TAGAP: variants seen among roughly 807,000 people sequenced by gnomAD.
TAGAP encodes T cell activation RhoGTPase activating protein.
A neutral mutation model predicts 36.0 loss-of-function variants in TAGAP; 16 were observed. The observed-to-expected ratio is 0.44, with a 90% CI of 0.30 to 0.68. The LOEUF (loss-of-function observed/expected upper bound fraction) is 0.68. TAGAP is among the 30% of genes least tolerant of loss of function. The probability of loss-of-function intolerance (pLI) is 0.09; values close to 1 mark genes in which losing one functional copy is unlikely to be tolerated. For missense variants in TAGAP, 794 were observed against 921.5 expected (o/e 0.86, Z 1.79); for synonymous variants, 372 against 377.4 (o/e 0.99, Z 0.17).
Position 159,036,470 on chromosome 6 carries a change from T to G in TAGAP, c.1553A>C (p.Lys518Thr), listed in dbSNP as rs144641395. ...CGCGCTGAGGTTTTTGGTCAGCACT[T>G]TTTTGTGAGGGGCAAAGGTGAAAGA... ...SMSFTFAPHK[K>T]VLTKNLSAGS... Residue 518 changes from lysine (K) to threonine (T), a missense_variant, in exon 10 of 10, where the codon AAA becomes ACA. Transcript: ENST00000367066. The surrounding 1 kb of genome is among the most constrained non-coding windows in gnomAD (Gnocchi z 4.9). The G allele has an allele frequency of 2.0e-4, 321 of 1,614,116 alleles. 1 individual carries two copies. In the African/African-American group the frequency reaches 4.1e-3, roughly 21 times the overall value.
intron 7 of TAGAP, among the ~76,000 whole-genome samples, chr6:159,039,895 G>A (rs1236812558): frequency 6.6e-6 from 1 of 152,094 alleles, no homozygotes; most frequent in Non-Finnish European, 1.5e-5. Flanking sequence ...TTTCAAAAAC[G>A]AAATGGTGAT....
chr6:159,041,635 T>C lies in TAGAP; in HGVS notation c.316-120A>G. 2.7e-6 allele frequency: 3 copies of C among 1,124,316 alleles called. No individual in the cohort carries two copies. Among genetic ancestry groups the C allele is most frequent in the East Asian group, 5.4e-5 (2 of 37,362 alleles). 69.6% of individuals were successfully genotyped at this position (1,124,316 alleles called of 1,614,324 possible). On this transcript the variant is annotated intron_variant, in intron 5 of 9. Coordinates refer to ENST00000367066, the MANE Select transcript of TAGAP (RefSeq NM_054114.5). This position sits in a 1 kb window ranked among gnomAD's most constrained non-coding sequence, Gnocchi z 4.1. ...TTCAGTCCAGTTGCTGTCAATGGCC[T>C]TCCTCAACCCTGCTATTTTTCTAAG...
rs139271345 is a variant in TAGAP at position 159,041,477 on chromosome 6, C to T, written c.354G>A (p.Thr118=). The change falls in exon 6 of 10, where the codon ACG becomes ACA. Residue 118 remains threonine (T), a synonymous_variant. Transcript: ENST00000367066. This position sits in a 1 kb window ranked among gnomAD's most constrained non-coding sequence, Gnocchi z 4.1. The part of the protein sequence containing the change: ...LTILCLKGPS[T]EGIFRRAANE... ...TGGCTGCTCTCCTGAATATCCCTTC[C>T]GTTGAAGGGCCTTTAAGGCATAGAA... 6.6e-5 allele frequency: 107 copies of T among 1,614,030 alleles called. No homozygotes were observed. The highest frequency in any genetic ancestry group is 2.2e-4 in the East Asian group (10 of 44,898).
chr6:159,036,150 C>T lies in TAGAP; in HGVS notation c.1873G>A (p.Ala625Thr), dbSNP rs1223205376. The T allele has an allele frequency of 6.2e-7, 1 of 1,613,172 alleles. No homozygotes were observed. The highest frequency in any genetic ancestry group is 8.5e-7 in the Non-Finnish European group (1 of 1,179,670). The change falls in exon 10 of 10, where the codon GCG becomes ACG. Residue 625 changes from alanine to threonine, a missense_variant. Ala to Thr is a moderately conservative substitution (Grantham distance 58). Transcript: ENST00000367066. This position sits in a 1 kb window ranked among gnomAD's most constrained non-coding sequence, Gnocchi z 4.9. ...VGSMTVGSMR[A>T]RMLEAHCLLP... ...AGGCAGTGCGCCTCCAGCATCCTCG[C>T]CCTCATGCTCCCCACCGTCATGCTC...
chr6:159,041,666 G>T lies in TAGAP; in HGVS notation c.316-151C>A, dbSNP rs1214128698. 1.0e-5 allele frequency: 9 copies of T among 881,086 alleles called. No individual in the cohort carries two copies. Among genetic ancestry groups the T allele is most frequent in the African/African-American group, 1.7e-5 (1 of 58,496 alleles). The allele number at this position is 881,086 out of a possible 1,614,324, so 54.6% of individuals were successfully genotyped here. ...AACCCTGCTATTTTTCTAAGAGGAG[G>T]CAAATTGTGAAAGCTCTAATTTTGC... On this transcript the variant is annotated intron_variant, in intron 5 of 9. Transcript: ENST00000367066. The surrounding 1 kb of genome is among the most constrained non-coding windows in gnomAD (Gnocchi z 4.1).
chr6:159,040,538 A>G (rs1779709649), intron 7 of TAGAP, among the ~76,000 whole-genome samples, 185 bp downstream of exon 7: 2 of 152,216 alleles, frequency 1.3e-5, no homozygotes, highest in South Asian at 4.1e-4. Context: ...GGCTAAAATT[A>G]AAATTCAAAA....
At chr6:159,038,073 T>G in intron 9 of TAGAP, 41 bp downstream of exon 9, 1 of 1,375,438 alleles carries the variant, frequency 7.3e-7, no homozygotes, top group Non-Finnish European at 1.0e-6. Context: ...TGGCATGAAC[T>G]TTTCCCTACA....
At position 159,041,325 on chromosome 6, in the gene TAGAP, G is replaced by T; in HGVS notation, c.477+29C>A. ...TGAGTGTGTCAGGGCCCCTTGGCAG[G>T]TTATTTGGCGCAAGTGTGTTGAACT... On this transcript the variant is annotated intron_variant, in intron 6 of 9. Transcript: ENST00000367066. This position sits in a 1 kb window ranked among gnomAD's most constrained non-coding sequence, Gnocchi z 4.1. 1 of 1,608,976 alleles carries T rather than the reference G, an allele frequency of 6.2e-7. No individual in the cohort carries two copies.
chr6:159,035,622 C>T lies in TAGAP; in HGVS notation c.*205G>A. 2 of 531,638 alleles carry T rather than the reference C, an allele frequency of 3.8e-6. No individual in the cohort carries two copies. Among genetic ancestry groups the T allele is most frequent in the Non-Finnish European group, 6.7e-6 (2 of 300,464 alleles). 32.9% of individuals were successfully genotyped at this position (531,638 alleles called of 1,614,324 possible). On this transcript the variant is annotated 3_prime_UTR_variant, in exon 10 of 10. Transcript: ENST00000367066. ...CACCTTATCTATAATACATTTGATACATTTTTACATATTGCACAAATCCAG... is the reference window on the plus strand; with the variant it reads ...CACCTTATCTATAATACATTTGATATATTTTTACATATTGCACAAATCCAG...
intron 4 of TAGAP, 127 bp downstream of exon 4, chr6:159,043,462 C>T (rs1390552084): frequency 8.6e-6 from 7 of 814,476 alleles, no homozygotes; most frequent in Non-Finnish European, 1.5e-5. Context: ...GGTTAATGTT[C>T]TGCGGTCTTT....
At position 159,041,124 on chromosome 6, in the gene TAGAP, G is replaced by C; in HGVS notation, c.477+230C>G. ...CTGCCACGGAACAATCAAATTGCCCGTACTTGGCAAAGTTTTGGGAGAGCA... is the reference window on the plus strand; with the variant it reads ...CTGCCACGGAACAATCAAATTGCCCCTACTTGGCAAAGTTTTGGGAGAGCA... On this transcript the variant is annotated intron_variant, in intron 6 of 9. Coordinates refer to ENST00000367066, the MANE Select transcript of TAGAP (RefSeq NM_054114.5). The surrounding 1 kb of genome is among the most constrained non-coding windows in gnomAD (Gnocchi z 4.1). 1.6e-6 allele frequency: 1 copy of C among 629,476 alleles called. No individual in the cohort carries two copies. Among genetic ancestry groups the C allele is most frequent in the Non-Finnish European group, 2.7e-6 (1 of 372,288 alleles). 39.0% of individuals were successfully genotyped at this position (629,476 alleles called of 1,614,324 possible).
chr6:159,040,920 G>T, intron 6 of TAGAP, 88 bp from the exon 7 acceptor site: 2 of 975,184 alleles, frequency 2.1e-6, no homozygotes, highest in South Asian at 2.8e-5. Context: ...CCATCGCAGG[G>T]TGCTCTATGC....
chr6:159,044,774 G>A (rs1431542831), intron 1 of TAGAP, 105 bp downstream of exon 1: 3 of 394,902 alleles, frequency 7.6e-6, no homozygotes, highest in Non-Finnish European at 1.3e-5. Context: ...TAAAGTGAGA[G>A]CATATTCCAC....
Position 159,036,789 on chromosome 6 carries a change from G to A in TAGAP, c.1234C>T (p.Arg412Cys). 1.2e-6 allele frequency: 2 copies of A among 1,614,182 alleles called. No individual in the cohort carries two copies. Among genetic ancestry groups the A allele is most frequent in the Non-Finnish European group, 1.7e-6 (2 of 1,180,022 alleles). ...TCTTCAGCCTCCTCACTTTCCAAAC[G>A]AGAGCCTACCCGGGGCACGGGGAAG... ...GDFPVPRVGS[R>C]LESEEAEDPF... The change falls in exon 10 of 10, where the codon CGT becomes TGT. Residue 412 changes from arginine to cysteine, a missense_variant. Transcript: ENST00000367066. The surrounding 1 kb of genome is among the most constrained non-coding windows in gnomAD (Gnocchi z 4.9).
rs1232564901 is a variant in TAGAP, at chr6:159,034,653, A to G, written c.*1174T>C. On this transcript the variant is annotated 3_prime_UTR_variant, in exon 10 of 10. Coordinates refer to ENST00000367066, the MANE Select transcript of TAGAP (RefSeq NM_054114.5). ...ATTAAGCAAACTGAGCATCATAAGA[A>G]TGAGGTGAGATGTAAAATTACTGGA... 6.6e-6 allele frequency: 1 copy of G among 152,236 alleles called. No homozygotes were observed. Among genetic ancestry groups the G allele is most frequent in the African/African-American group, 2.4e-5 (1 of 41,462 alleles). 9.4% of individuals were successfully genotyped at this position (152,236 alleles called of 1,614,324 possible). A position where few individuals can be genotyped will look rare whatever the true frequency, so the allele number is the denominator to read the frequency against.
rs904052325 is a variant in TAGAP at position 159,034,665 on chromosome 6, G to A, written c.*1162C>T. 6 of 152,142 alleles carry A rather than the reference G, an allele frequency of 3.9e-5. No homozygotes were observed. Among genetic ancestry groups the A allele is most frequent in the Non-Finnish European group, 7.3e-5 (5 of 68,030 alleles). The allele number at this position is 152,142 out of a possible 1,614,324, so 9.4% of individuals were successfully genotyped here. ...GAGCATCATAAGAATGAGGTGAGATGTAAAATTACTGGAAAGTTTAATTCA... is the reference window on the plus strand; with the variant it reads ...GAGCATCATAAGAATGAGGTGAGATATAAAATTACTGGAAAGTTTAATTCA... On this transcript the variant is annotated 3_prime_UTR_variant, in exon 10 of 10. Coordinates refer to ENST00000367066, the MANE Select transcript of TAGAP (RefSeq NM_054114.5).
At chr6:159,040,865 G>T in intron 6 of TAGAP, 33 bp from the exon 7 acceptor site, 1 of 1,536,078 alleles carries the variant, frequency 6.5e-7, no homozygotes, top group Non-Finnish European at 9.0e-7. Context: ...TGGCCTATTG[G>T]TACTGTATGA....
intron 2 of TAGAP, 25 bp from the exon 3 acceptor site, chr6:159,044,056 G>T: frequency 1.9e-6 from 3 of 1,613,504 alleles, no homozygotes. Flanking sequence ...ATAAAATTAG[G>T]TAAATATCTT....
Position 159,036,845 on chromosome 6 carries a change from G to A in TAGAP, c.1178C>T (p.Thr393Ile). The change falls in exon 10 of 10, where the codon ACA becomes ATA. Residue 393 changes from threonine (T) to isoleucine (I), a missense_variant. By Grantham distance (89) the Thr-to-Ile change is moderately conservative. Transcript: ENST00000367066. The surrounding 1 kb of genome is among the most constrained non-coding windows in gnomAD (Gnocchi z 4.9). ...TTCACTCTTTGTTAGTGTTTGGTTT[G>A]TCACCCGGCTCTCGAGGCACTCCTG... ...SSQECLESRVTNQTLTKSEGD... is the reference protein window; with the variant it reads ...SSQECLESRVINQTLTKSEGD... 1 of 1,614,220 alleles carries A rather than the reference G, an allele frequency of 6.2e-7. No homozygotes were observed. Among genetic ancestry groups the A allele is most frequent in the Non-Finnish European group, 8.5e-7 (1 of 1,180,034 alleles).
Sources: gnomAD v4.1 joint callset for allele counts (sites outside exome capture counted in the v4.1 genomes callset) on GRCh38, gnomAD v4.1.1 for gene constraint, Gnocchi (gnomAD v3.1) non-coding constraint, MANE v1.5 for transcripts, NCBI Gene and HGNC (gene_info 2026-07-23, HGNC 2026-07-21) for gene names.